RYR2: variants seen among roughly 807,000 people sequenced by gnomAD.
The protein encoded by RYR2 is ryanodine receptor 2, also known as cardiac muscle ryanodine receptor-calcium release channel.
Under a neutral mutation model 601.1 loss-of-function variants are expected in RYR2, and 227 were observed. The observed-to-expected ratio is 0.38, with a 90% CI of 0.34 to 0.42. RYR2 has a LOEUF of 0.42. RYR2 is among the 10% of genes least tolerant of loss of function. The probability of loss-of-function intolerance (pLI) is 1.00; values close to 1 mark genes in which losing one functional copy is unlikely to be tolerated. For synonymous variants in RYR2, 2,223 were observed against 2,175.1 expected (o/e 1.02, Z -0.61); for missense variants, 4,646 against 6,156.5 (o/e 0.75, Z 8.21).
At chr1:237,577,100 ACT>A (rs977877146) in intron 29 of RYR2, among the ~76,000 whole-genome samples, 2 of 152,128 alleles carry the variant, frequency 1.3e-5, no homozygotes, top group African/African-American at 4.8e-5. Flanking sequence ...CAGAAATTCT[ACT>A]CCAGTTTTTT....
Position 237,500,663 on chromosome 1 carries a change from C to T in RYR2, c.2204-48C>T, listed in dbSNP as rs761996857. 2.7e-6 allele frequency: 4 copies of T among 1,495,626 alleles called. No individual in the cohort carries two copies. In the Admixed American group the frequency reaches 8.3e-5, roughly 31 times the overall value. 92.6% of individuals were successfully genotyped at this position (1,495,626 alleles called of 1,614,324 possible). On this transcript the variant is annotated intron_variant, in intron 20 of 104. Coordinates refer to ENST00000366574, the MANE Select transcript of RYR2 (RefSeq NM_001035.3). ...TGACTTTGGCTCTGAAGCTGATTCT[C>T]TGAGATAAAAAAATACATGACCTTC...
chr1:237,511,632 A>G, intron 23 of RYR2, 56 bp from the exon 24 acceptor site: 2 of 1,333,884 alleles, frequency 1.5e-6, no homozygotes, highest in Non-Finnish European at 2.1e-6. Flanking sequence ...GTTGAATTCC[A>G]TTGCTAGTGC....
intron 38 of RYR2, among the ~76,000 whole-genome samples, chr1:237,621,437 C>G: frequency 6.6e-6 from 1 of 151,924 alleles, no homozygotes; most frequent in East Asian, 1.9e-4. Flanking sequence ...AAACTGAAAA[C>G]AGGACAATAG....
intron 1 of RYR2, among the ~76,000 whole-genome samples, chr1:237,045,868 G>GTTTTTT (rs1558136067): frequency 9.7e-6 from 1 of 103,588 alleles, no homozygotes; most frequent in African/African-American, 4.4e-5. Flanking sequence ...CCTTGGTCAA[G>GTTTTTT]GTTTTTTTTT....
At chr1:237,606,795 T>G (rs10925472) in intron 35 of RYR2, among the ~76,000 whole-genome samples, 1 of 151,946 alleles carries the variant, frequency 6.6e-6, no homozygotes, top group Non-Finnish European at 1.5e-5. Context: ...TCAAAAGAAG[T>G]CATTTATGCA....
intron 29 of RYR2, among the ~76,000 whole-genome samples, chr1:237,589,569 A>G (rs1340235350): frequency 6.6e-6 from 1 of 152,174 alleles, no homozygotes; most frequent in Non-Finnish European, 1.5e-5. Flanking sequence ...GAAGGGACTT[A>G]TCTAGGGCCC....
chr1:237,185,631 A>G (rs919524894), intron 1 of RYR2, among the ~76,000 whole-genome samples: 2 of 152,096 alleles, frequency 1.3e-5, no homozygotes, highest in African/African-American at 2.4e-5. Context: ...CACACAGAGG[A>G]TAAGATTCCC....
At chr1:237,684,418 C>A (rs192093365) in intron 62 of RYR2, among the ~76,000 whole-genome samples, 71 of 152,146 alleles carry the variant, frequency 4.7e-4, no homozygotes, top group African/African-American at 1.6e-3. Flanking sequence ...GAGACATCTA[C>A]AGAGTGCTGG....
chr1:237,042,686 C>G, intron 1 of RYR2, 117 bp downstream of exon 1: 1 of 1,032,478 alleles, frequency 9.7e-7, no homozygotes, highest in Non-Finnish European at 1.3e-6. Flanking sequence ...CGAGGGGGTG[C>G]CCCCTGAGGA....
chr1:237,356,430 CT>C (rs35812890), intron 4 of RYR2, among the ~76,000 whole-genome samples: 34,074 of 144,692 alleles, frequency 0.24, 3,878 homozygotes, highest in East Asian at 0.37. Flanking sequence ...GTCATAGAAC[CT>C]TTTTTTTTTT....
rs1047302927 is a variant in RYR2 at position 237,697,263 on chromosome 1, C to A, written c.9068-1702C>A. Among the ~76,000 whole-genome samples, 6 of 149,778 alleles carry A rather than the reference C, an allele frequency of 4.0e-5. No individual in the cohort carries two copies. The East Asian group carries it at 9.7e-4, about 24-fold the overall frequency. ...ATTCCAACCTCTGCTCAAATGCCGC[C>A]TCCAGGAAGGACTCATGAGCACTAT... On this transcript the variant is annotated intron_variant, in intron 63 of 104. Coordinates refer to ENST00000366574, the MANE Select transcript of RYR2 (RefSeq NM_001035.3).
At chr1:237,118,584 T>G (rs890995322) in intron 1 of RYR2, among the ~76,000 whole-genome samples, 1 of 151,732 alleles carries the variant, frequency 6.6e-6, no homozygotes, top group Non-Finnish European at 1.5e-5. Flanking sequence ...TAGGGAGTTA[T>G]TGTTTGTTTG....
rs749567039 is a variant in RYR2, at chr1:237,456,681, C to A, written c.1558C>A (p.Arg520=). The change falls in exon 16 of 105, where the codon CGA becomes AGA. Residue 520 remains arginine, a synonymous_variant. Transcript: ENST00000366574. ...AGCACACTTTGCTGATGTTGCTGGGCGAGAAGCAGGAGAGTCTTGGAAATC... is the reference window on the plus strand; with the variant it reads ...AGCACACTTTGCTGATGTTGCTGGGAGAGAAGCAGGAGAGTCTTGGAAATC... The part of the protein sequence containing the change: ...SAAHFADVAG[R]EAGESWKSIL... The A allele has an allele frequency of 5.6e-6, 9 of 1,613,074 alleles. No individual in the cohort carries two copies. In the Admixed American group the frequency reaches 1.3e-4, roughly 24 times the overall value.
At chr1:237,643,243 G>A in intron 47 of RYR2, 84 bp from the exon 48 acceptor site, 2 of 1,535,570 alleles carry the variant, frequency 1.3e-6, no homozygotes, top group Non-Finnish European at 1.8e-6. Flanking sequence ...TTTGGACTTG[G>A]ATTCCAATAC....
At chr1:237,336,155 G>T (rs186560571) in intron 3 of RYR2, among the ~76,000 whole-genome samples, 8 of 152,196 alleles carry the variant, frequency 5.3e-5, no homozygotes, top group African/African-American at 1.9e-4. Flanking sequence ...AATTGTGTAC[G>T]TGGAACTTGT....
chr1:237,571,157 A>G (rs929431248), intron 29 of RYR2, among the ~76,000 whole-genome samples: 1 of 152,128 alleles, frequency 6.6e-6, no homozygotes, highest in African/African-American at 2.4e-5. Context: ...TATTTCAAAG[A>G]TAAGCCAACA....
At chr1:237,611,932 CAA>C in intron 36 of RYR2, among the ~76,000 whole-genome samples, 1 of 151,930 alleles carries the variant, frequency 6.6e-6, no homozygotes, top group Middle Eastern at 3.4e-3. Flanking sequence ...CGTATATACC[CAA>C]GAGAAATTAA....
chr1:237,172,866 G>A (rs1677575807), intron 1 of RYR2, among the ~76,000 whole-genome samples: 1 of 152,128 alleles, frequency 6.6e-6, no homozygotes, highest in African/African-American at 2.4e-5. Flanking sequence ...GTTATACCAG[G>A]CCATAGGCAC....
chr1:237,322,820 A>ATG (rs1558621430), intron 2 of RYR2, among the ~76,000 whole-genome samples: 2 of 134,480 alleles, frequency 1.5e-5, no homozygotes, highest in African/African-American at 6.7e-5. Context: ...AAACACACAC[A>ATG]CGTGTGTGTG....
Sources: gnomAD v4.1 joint callset for allele counts (sites outside exome capture counted in the v4.1 genomes callset) on GRCh38, gnomAD v4.1.1 for gene constraint, MANE v1.5 for transcripts, NCBI Gene and HGNC (gene_info 2026-07-23, HGNC 2026-07-21) for gene names.